Variants in TRIM50 observed in about 807,000 individuals in gnomAD.
The protein encoded by TRIM50 is E3 ubiquitin-protein ligase TRIM50.
A neutral mutation model predicts 44.9 loss-of-function variants in TRIM50; 34 were observed. The observed-to-expected ratio is 0.76, with a 90% CI of 0.58 to 1.01. The LOEUF (loss-of-function observed/expected upper bound fraction) is 1.01, where lower values mean the gene tolerates loss of function less well. TRIM50 is among the 50% of genes least tolerant of loss of function. The pLI is 0.00. For missense variants in TRIM50, 633 were observed against 663.7 expected (o/e 0.95, Z 0.51); for synonymous variants, 307 against 291.1 (o/e 1.05, Z -0.56).
chr7:73,317,310 T>G (rs1340607125), intron 5 of TRIM50, among the ~76,000 whole-genome samples: 2 of 146,582 alleles, frequency 1.4e-5, no homozygotes, highest in African/African-American at 5.1e-5. Flanking sequence ...CACCTTGGCC[T>G]CCCAAAGTGC....
In TRIM50 at chr7:73,316,547, G is replaced by A. The variant is rs782074234; in HGVS notation, c.874+18C>T. Reference sequence around the variant, plus strand: ...CTGGGCGGCAGCCCTCAGGAAGGAGGACGGGTCAGGGCCTCACCTGGCAAA... The same window carrying A: ...CTGGGCGGCAGCCCTCAGGAAGGAGAACGGGTCAGGGCCTCACCTGGCAAA... On this transcript the variant is annotated intron_variant, in intron 6 of 6. Transcript: ENST00000333149. 3 of 1,613,656 alleles carry A rather than the reference G, an allele frequency of 1.9e-6. No individual in the cohort carries two copies. The highest frequency in any genetic ancestry group is 2.7e-5 in the African/African-American group (2 of 74,952).
chr7:73,328,055 C>A lies in TRIM50; in HGVS notation c.-174G>T, dbSNP rs1804686035. On this transcript the variant is annotated 5_prime_UTR_variant, in exon 1 of 7. Transcript: ENST00000333149. ...CGCTATGGTTACATGCCCCGCCTCG[C>A]GCTACCGCGCGTGCCCCATCATGCT... 2.6e-6 allele frequency: 2 copies of A among 783,556 alleles called. No individual in the cohort carries two copies. The highest frequency in any genetic ancestry group is 4.1e-6 in the Non-Finnish European group (2 of 487,450). 48.5% of individuals were successfully genotyped at this position (783,556 alleles called of 1,614,324 possible). A position where few individuals can be genotyped will look rare whatever the true frequency, so the allele number is the denominator to read the frequency against.
chr7:73,327,989 C>T lies in TRIM50; in HGVS notation c.-108G>A, dbSNP rs1402357331. ...TGCCCCGCGAGCTCCAATTACGTGCCCCACCTAACCCCCCACGTCCGTGCC... is the reference window on the plus strand; with the variant it reads ...TGCCCCGCGAGCTCCAATTACGTGCTCCACCTAACCCCCCACGTCCGTGCC... On this transcript the variant is annotated 5_prime_UTR_variant, in exon 1 of 7. Coordinates refer to ENST00000333149, the MANE Select transcript of TRIM50 (RefSeq NM_178125.3). 12 of 585,618 alleles carry T rather than the reference C, an allele frequency of 2.0e-5. No individual in the cohort carries two copies. Among genetic ancestry groups the T allele is most frequent in the African/African-American group, 1.7e-4 (9 of 53,572 alleles). 36.3% of individuals were successfully genotyped at this position (585,618 alleles called of 1,614,324 possible).
chr7:73,322,338 G>A lies in TRIM50; in HGVS notation c.399+2051C>T, dbSNP rs1440043325. On this transcript the variant is annotated intron_variant, in intron 2 of 6. Transcript: ENST00000333149. ...CGCTCCAGCCTGGGCGACAGAGCGA[G>A]ACTCTGTCTCAACAACAACAACAAC... Among the ~76,000 whole-genome samples, 5 of 152,160 alleles carry A rather than the reference G, an allele frequency of 3.3e-5. No homozygotes were observed. In the East Asian group the frequency reaches 7.7e-4, roughly 23 times the overall value.
At chr7:73,319,769 G>A (rs1323940161) in intron 3 of TRIM50, among the ~76,000 whole-genome samples, 1 of 152,214 alleles carries the variant, frequency 6.6e-6, no homozygotes, top group Non-Finnish European at 1.5e-5. Context: ...GCCCAGGGCT[G>A]CCAGCCTCTC....
chr7:73,312,561 A>T lies in TRIM50; in HGVS notation c.*360T>A. ...TTTAAAGAGAAAGAAATAATGTCAAATTTATTATCCTTGATAGTAGTTGAA... is the reference window on the plus strand; with the variant it reads ...TTTAAAGAGAAAGAAATAATGTCAATTTTATTATCCTTGATAGTAGTTGAA... On this transcript the variant is annotated 3_prime_UTR_variant, in exon 7 of 7. Coordinates refer to ENST00000333149, the MANE Select transcript of TRIM50 (RefSeq NM_178125.3). 4.3e-6 allele frequency: 1 copy of T among 230,954 alleles called. No homozygotes were observed. Among genetic ancestry groups the T allele is most frequent in the East Asian group, 8.7e-5 (1 of 11,430 alleles). The allele number at this position is 230,954 out of a possible 1,614,324, so 14.3% of individuals were successfully genotyped here.
chr7:73,312,885 G>A lies in TRIM50; in HGVS notation c.*36C>T, dbSNP rs1434689641. ...CCCGCGAGTCCCCGGTGCCCCGCCGGGATGGGCCTGTGGGCCGGCAGGACT... is the reference window on the plus strand; with the variant it reads ...CCCGCGAGTCCCCGGTGCCCCGCCGAGATGGGCCTGTGGGCCGGCAGGACT... On this transcript the variant is annotated 3_prime_UTR_variant, in exon 7 of 7. Transcript: ENST00000333149. 2 of 1,472,400 alleles carry A rather than the reference G, an allele frequency of 1.4e-6. No homozygotes were observed. The highest frequency in any genetic ancestry group is 2.4e-5 in the Admixed American group (1 of 40,974). The allele number at this position is 1,472,400 out of a possible 1,614,324, so 91.2% of individuals were successfully genotyped here.
In TRIM50 at chr7:73,323,066, T is replaced by A. The variant is rs1219693829; in HGVS notation, c.399+1323A>T. On this transcript the variant is annotated intron_variant, in intron 2 of 6. Transcript: ENST00000333149. ...TTTTCTGTTTGAAATTTGTCTTTGG[T>A]CTGCCCCAGGCCTTTGTCCCAGTTC... 2.6e-5 allele frequency among the ~76,000 whole-genome samples: 4 copies of A among 152,356 alleles called. No homozygotes were observed. In the East Asian group the frequency reaches 7.7e-4, roughly 29 times the overall value.
Position 73,312,896 on chromosome 7 carries a change from T to G in TRIM50, c.*25A>C. 6.7e-7 allele frequency: 1 copy of G among 1,495,534 alleles called. No individual in the cohort carries two copies. 92.6% of individuals were successfully genotyped at this position (1,495,534 alleles called of 1,614,324 possible). The stretch of plus-strand genomic sequence containing the variant: ...CCGGTGCCCCGCCGGGATGGGCCTG[T>G]GGGCCGGCAGGACTCCGGGCGGCCC... On this transcript the variant is annotated 3_prime_UTR_variant, in exon 7 of 7. Coordinates refer to ENST00000333149, the MANE Select transcript of TRIM50 (RefSeq NM_178125.3).
chr7:73,326,535 C>A (rs1389616272), intron 1 of TRIM50, among the ~76,000 whole-genome samples: 2 of 152,034 alleles, frequency 1.3e-5, no homozygotes, highest in Non-Finnish European at 2.9e-5. Context: ...TATACACCCA[C>A]TCTCAAGAAC....
Position 73,313,296 on chromosome 7 carries a change from C to T in TRIM50, c.1089G>A (p.Leu363=), listed in dbSNP as rs1182181174. 1.9e-6 allele frequency: 3 copies of T among 1,605,680 alleles called. No homozygotes were observed. Among genetic ancestry groups the T allele is most frequent in the Non-Finnish European group, 2.5e-6 (3 of 1,177,096 alleles). The part of the protein sequence containing the change: ...VVVGSKSDWR[L]GVIKGTASRK... ...GGCTGGCTGTGCCCTTGATGACCCCCAGGCGCCAGTCGCTCTTGCTGCCCA... is the reference window on the plus strand; with the variant it reads ...GGCTGGCTGTGCCCTTGATGACCCCTAGGCGCCAGTCGCTCTTGCTGCCCA... Residue 363 remains leucine (L), a synonymous_variant, in exon 7 of 7, where the codon CTG becomes CTA. Transcript: ENST00000333149. This position sits in a 1 kb window ranked among gnomAD's most constrained non-coding sequence, Gnocchi z 4.9.
intron 2 of TRIM50, among the ~76,000 whole-genome samples, chr7:73,323,168 G>A (rs1804534245): frequency 6.6e-6 from 1 of 152,332 alleles, no homozygotes; most frequent in East Asian, 1.9e-4. Context: ...CTGCCAGAGA[G>A]ATCTGAGCAT....
chr7:73,324,115 A>T (rs1170822073), intron 2 of TRIM50, among the ~76,000 whole-genome samples: 1 of 151,660 alleles, frequency 6.6e-6, no homozygotes, highest in Non-Finnish European at 1.5e-5. Flanking sequence ...AAGGAGAAGG[A>T]AGAAAAGAAA....
intron 1 of TRIM50, among the ~76,000 whole-genome samples, chr7:73,325,249 T>C (rs1188161183): frequency 6.6e-6 from 1 of 152,072 alleles, no homozygotes; most frequent in Non-Finnish European, 1.5e-5. Context: ...ATAGGTGTAA[T>C]AGAGATTCTA....
intron 2 of TRIM50, among the ~76,000 whole-genome samples, chr7:73,321,274 A>G (rs2115756665): frequency 6.6e-6 from 1 of 152,292 alleles, no homozygotes; most frequent in Non-Finnish European, 1.5e-5. Context: ...TAAACGTTAC[A>G]GCTACCAGAA....
In TRIM50 at chr7:73,320,213, C is replaced by T. The variant is rs1554544845; in HGVS notation, c.429G>A (p.Leu143=). Reference sequence around the variant, plus strand: ...CATCCACCTTTTTCTGCTCCTGCTTCAGCTCAGAGATGAGGGCTGCGAGCT... The same window carrying T: ...CATCCACCTTTTTCTGCTCCTGCTTTAGCTCAGAGATGAGGGCTGCGAGCT... ...KEELAALISE[L]KQEQKKVDEL... Residue 143 remains leucine (L), a synonymous_variant, in exon 3 of 7, where the codon CTG becomes CTA. Coordinates refer to ENST00000333149, the MANE Select transcript of TRIM50 (RefSeq NM_178125.3). 6.8e-6 allele frequency: 11 copies of T among 1,614,002 alleles called. No homozygotes were observed. Among genetic ancestry groups the T allele is most frequent in the Non-Finnish European group, 9.3e-6 (11 of 1,179,874 alleles).
rs1554543212 is a variant in TRIM50, at chr7:73,313,001, C to T, written c.1384G>A (p.Gly462Ser). Residue 462 changes from glycine (G) to serine (S), a missense_variant, in exon 7 of 7, where the codon GGC becomes AGC. Transcript: ENST00000333149. The surrounding 1 kb of genome is among the most constrained non-coding windows in gnomAD (Gnocchi z 4.9). Reference sequence around the variant, plus strand: ...AGCACCATGGGCAGCGAGTTGCTGCCCCTCTCGTGCCAGCAGGTGTCCAGG... The same window carrying T: ...AGCACCATGGGCAGCGAGTTGCTGCTCCTCTCGTGCCAGCAGGTGTCCAGG... ...PILDTCWHERGSNSLPMVLPP... is the reference protein window; with the variant it reads ...PILDTCWHERSSNSLPMVLPP... The T allele has an allele frequency of 1.9e-6, 3 of 1,554,176 alleles. No homozygotes were observed. The Admixed American group carries it at 5.9e-5, about 30-fold the overall frequency.
intron 5 of TRIM50, among the ~76,000 whole-genome samples, chr7:73,317,887 G>C (rs1319995066): frequency 2.0e-5 from 3 of 152,160 alleles, no homozygotes; most frequent in African/African-American, 7.2e-5. Context: ...GGTAAGCAAG[G>C]GATGCCCGGT....
Position 73,313,266 on chromosome 7 carries a change from CT to C in TRIM50, c.1118del (p.Lys373ArgfsTer4). The stretch of plus-strand genomic sequence containing the variant: ...GCTCGGGGGACCTGTTCAGCTTGCC[CT>C]TACGGCTGGCTGTGCCCTTGATGAC... The part of the protein sequence containing the change: ...LGVIKGTASR[K>X]GKLNRSPEHG... On this transcript the variant is annotated frameshift_variant, in exon 7 of 7. Transcript: ENST00000333149. LOFTEE classifies it high-confidence loss of function. The surrounding 1 kb of genome is among the most constrained non-coding windows in gnomAD (Gnocchi z 4.9). The C allele has an allele frequency of 6.2e-7, 1 of 1,601,724 alleles. No homozygotes were observed.
Sources: allele counts gnomAD v4.1 joint callset (sites outside exome capture counted in the v4.1 genomes callset), GRCh38; gene constraint gnomAD v4.1.1; non-coding constraint Gnocchi (gnomAD v3.1); transcripts MANE v1.5; gene names NCBI Gene and HGNC (gene_info 2026-07-23, HGNC 2026-07-21).